The following ODR4 variants were observed in gnomAD, a reference collection of about 807,000 sequenced individuals.
ODR4 encodes the protein odr-4 GPCR localization factor homolog.
ODR4 carries 47 observed loss-of-function variants against 60.2 expected under a neutral mutation model. The ratio of observed to expected loss-of-function variants is 0.78; its 90% confidence interval spans 0.62 to 1.00. The LOEUF is 1.00. Ranked by LOEUF, ODR4 falls within the 50% of genes least tolerant of loss-of-function variation. ODR4 has a pLI of 0.00. For synonymous variants in ODR4, 178 were observed against 175.5 expected (o/e 1.01, Z -0.11); for missense variants, 488 against 530.8 (o/e 0.92, Z 0.79).
intron 11 of ODR4, chr1:186,400,908 C>A: frequency 1.4e-6 from 1 of 725,150 alleles, no homozygotes; most frequent in Non-Finnish European, 2.3e-6. Flanking sequence ...ATCAGTCTAG[C>A]AGCCCCATCT....
intron 11 of ODR4, chr1:186,401,149 C>A: frequency 6.3e-7 from 1 of 1,595,742 alleles, no homozygotes. Context: ...ATATGGCTAT[C>A]CTGGTATTCT....
chr1:186,429,504 T>A, the ODR4 span, among the ~76,000 whole-genome samples: 1 of 151,422 alleles, frequency 6.6e-6, no homozygotes, highest in South Asian at 2.1e-4. Context: ...GACAAAAGAG[T>A]TCCCTAAAGA....
chr1:186,391,268 C>CT (rs1660458394), intron 7 of ODR4, among the ~76,000 whole-genome samples: 1 of 150,804 alleles, frequency 6.6e-6, no homozygotes, highest in Non-Finnish European at 1.5e-5. Flanking sequence ...TTTTCCAGTT[C>CT]TTTTTTGTAT....
intron 9 of ODR4, 116 bp downstream of exon 9, chr1:186,394,131 A>G: frequency 4.8e-6 from 3 of 630,034 alleles, no homozygotes; most frequent in Non-Finnish European, 8.1e-6. Context: ...AAGAGACTGT[A>G]TGAAATGGCT....
At chr1:186,413,562 A>G (rs936137031) in intron 12 of ODR4, among the ~76,000 whole-genome samples, 1 of 152,160 alleles carries the variant, frequency 6.6e-6, no homozygotes, top group Non-Finnish European at 1.5e-5. Flanking sequence ...GATAATTTCA[A>G]TGTACTTTTA....
At chr1:186,426,372 T>C (rs986870081), downstream of ODR4, among the ~76,000 whole-genome samples, 2 of 152,248 alleles carry the variant, frequency 1.3e-5, no homozygotes, top group Non-Finnish European at 2.9e-5. Flanking sequence ...GTGTGGGGTA[T>C]TCAATTATCT....
At chr1:186,382,184 T>C (rs556980337) in intron 2 of ODR4, among the ~76,000 whole-genome samples, 33 of 151,206 alleles carry the variant, frequency 2.2e-4, no homozygotes, top group East Asian at 1.8e-3. Flanking sequence ...GGTGGGAGGA[T>C]TGCTTGAAGG....
At chr1:186,382,921 C>T (rs1571660709) in intron 2 of ODR4, 101 bp from the exon 3 acceptor site, 1 of 1,183,320 alleles carries the variant, frequency 8.5e-7, no homozygotes, top group East Asian at 2.6e-5. Context: ...AAATATTACT[C>T]AGTTTTTGCA....
At chr1:186,409,402 G>T (rs1661290654) in intron 12 of ODR4, among the ~76,000 whole-genome samples, 1 of 152,186 alleles carries the variant, frequency 6.6e-6, no homozygotes, top group Admixed American at 6.6e-5. Flanking sequence ...TGTGTTTCTA[G>T]CACTTTACTA....
chr1:186,414,133 A>G (rs1454446594), intron 12 of ODR4, among the ~76,000 whole-genome samples: 1 of 152,224 alleles, frequency 6.6e-6, no homozygotes, highest in Non-Finnish European at 1.5e-5. Flanking sequence ...CCCACCAAAA[A>G]TAAACAGACA....
intron 12 of ODR4, among the ~76,000 whole-genome samples, chr1:186,407,345 C>T (rs1423105183): frequency 1.3e-5 from 2 of 152,070 alleles, no homozygotes; most frequent in Non-Finnish European, 2.9e-5. Context: ...AAAATGTTTA[C>T]TGCTTTCCAA....
At chr1:186,391,906 G>C in intron 8 of ODR4, 115 bp downstream of exon 8, 1 of 658,494 alleles carries the variant, frequency 1.5e-6, no homozygotes, top group Non-Finnish European at 2.6e-6. Context: ...TCTCATTTCT[G>C]ATTTCTGATT....
intron 3 of ODR4, among the ~76,000 whole-genome samples, chr1:186,385,171 A>G (rs1299144065): frequency 4.0e-5 from 6 of 151,832 alleles, no homozygotes; most frequent in Non-Finnish European, 8.8e-5. Flanking sequence ...TTTAATCAAT[A>G]TTATTTTAAG....
At chr1:186,383,678 G>GATATATATATATACATATATATATATAT in intron 3 of ODR4, among the ~76,000 whole-genome samples, 1 of 140,770 alleles carries the variant, frequency 7.1e-6, no homozygotes, top group East Asian at 2.1e-4. Context: ...TGTGTATGTA[G>GATATATATATATACATATATATATATAT]ATATATATAT....
chr1:186,417,948 C>T (rs1025319922), intron 13 of ODR4, among the ~76,000 whole-genome samples: 2 of 152,146 alleles, frequency 1.3e-5, no homozygotes, highest in Non-Finnish European at 2.9e-5. Flanking sequence ...GTTTTACAAA[C>T]GGGTGTTCTT....
In ODR4 at chr1:186,403,967, C is replaced by T. The variant is rs192542420; in HGVS notation, c.1001-2116C>T. Among the ~76,000 whole-genome samples the T allele has an allele frequency of 3.3e-3, 500 of 152,252 alleles. 1 individual carries two copies. The highest frequency in any genetic ancestry group is 0.011 in the African/African-American group (472 of 41,548). ...TCTCTGAATGGCACTTCTCCTATCC[C>T]TTTATGCAGATGTCCTCTTATCCTT... On this transcript the variant is annotated intron_variant, in intron 11 of 13. Transcript: ENST00000287859.
intron 11 of ODR4, among the ~76,000 whole-genome samples, chr1:186,399,989 TC>T (rs1660863670): frequency 1.4e-5 from 2 of 145,490 alleles, no homozygotes; most frequent in Non-Finnish European, 1.5e-5. Context: ...TTTTTTTTTT[TC>T]TTTTTTTTTT....
intron 12 of ODR4, among the ~76,000 whole-genome samples, chr1:186,415,856 T>C (rs1661546972): frequency 6.6e-6 from 1 of 152,222 alleles, no homozygotes; most frequent in South Asian, 2.1e-4. Context: ...AAATCATCAG[T>C]CAAATGCCTG....
intron 3 of ODR4, among the ~76,000 whole-genome samples, chr1:186,384,051 C>T (rs757342565): frequency 2.6e-5 from 4 of 151,992 alleles, no homozygotes; most frequent in South Asian, 2.1e-4. Context: ...CAAAACAAAA[C>T]GAAGAAATCC....
Sources: allele counts gnomAD v4.1 joint callset (sites outside exome capture counted in the v4.1 genomes callset), GRCh38; gene constraint gnomAD v4.1.1; transcripts MANE v1.5; gene names NCBI Gene and HGNC (gene_info 2026-07-23, HGNC 2026-07-21).